EPB41: variants seen among roughly 807,000 people sequenced by gnomAD.
EPB41 encodes protein 4.1.
Under a neutral mutation model 108.0 loss-of-function variants are expected in EPB41, and 65 were observed. That is an observed-to-expected ratio of 0.60 (90% CI 0.49 to 0.74). The LOEUF (loss-of-function observed/expected upper bound fraction) is 0.74. Ranked by LOEUF, EPB41 falls within the 30% of genes least tolerant of loss-of-function variation. The pLI is 0.00. For synonymous variants in EPB41, 336 were observed against 358.9 expected (o/e 0.94, Z 0.72); for missense variants, 875 against 1,037.0 (o/e 0.84, Z 2.15).
chr1:29,081,837 A>AG (rs1176510853), intron 16 of EPB41, among the ~76,000 whole-genome samples: 2 of 148,410 alleles, frequency 1.3e-5, no homozygotes, highest in Non-Finnish European at 3.0e-5. Context: ...CTCTGTCTCA[A>AG]AAAAAAAAAA....
intron 1 of EPB41, among the ~76,000 whole-genome samples, chr1:28,909,555 T>G (rs1217479499): frequency 1.3e-5 from 2 of 152,070 alleles, no homozygotes; most frequent in African/African-American, 4.8e-5. Context: ...CAGCACTCTG[T>G]GAGGCCAAGG....
chr1:29,021,605 C>T (rs1476834764), intron 7 of EPB41, among the ~76,000 whole-genome samples: 4 of 145,556 alleles, frequency 2.7e-5, no homozygotes, highest in Non-Finnish European at 4.5e-5. Context: ...TTTTTTGAGA[C>T]GGAGGCTTGT....
At chr1:28,982,890 C>T (rs1038424664) in intron 1 of EPB41, among the ~76,000 whole-genome samples, 2 of 151,886 alleles carry the variant, frequency 1.3e-5, no homozygotes, top group African/African-American at 4.8e-5. Flanking sequence ...CAAATAAATC[C>T]CCCTTAAAAA....
intron 15 of EPB41, among the ~76,000 whole-genome samples, chr1:29,064,137 A>C (rs2150992555): frequency 6.6e-6 from 1 of 152,214 alleles, no homozygotes; most frequent in South Asian, 2.1e-4. Flanking sequence ...TGTCAAGGAG[A>C]TATATAAGGT....
chr1:29,107,155 C>T (rs556223143), intron 17 of EPB41, among the ~76,000 whole-genome samples: 1 of 151,966 alleles, frequency 6.6e-6, no homozygotes, highest in East Asian at 2.0e-4. Flanking sequence ...TGTACTCCAG[C>T]CTGGGGAAAA....
intron 6 of EPB41, among the ~76,000 whole-genome samples, chr1:29,016,283 C>A (rs971102878): frequency 6.6e-6 from 1 of 151,898 alleles, no homozygotes; most frequent in Non-Finnish European, 1.5e-5. Context: ...TCGAGCGATT[C>A]TTTTGCCTCA....
chr1:28,903,004 C>T (rs1358147322), intron 1 of EPB41, among the ~76,000 whole-genome samples: 1 of 152,180 alleles, frequency 6.6e-6, no homozygotes, highest in Non-Finnish European at 1.5e-5. Flanking sequence ...AGCTGTGTGA[C>T]ACTGGGCAAA....
chr1:28,987,970 A>G, intron 2 of EPB41, 65 bp downstream of exon 2: 1 of 1,562,880 alleles, frequency 6.4e-7, no homozygotes, highest in Non-Finnish European at 8.8e-7. Flanking sequence ...TTTTTCATTT[A>G]AGAGTATTTG....
chr1:28,902,421 T>C, intron 1 of EPB41: 1 of 980,152 alleles, frequency 1.0e-6, no homozygotes, highest in African/African-American at 1.7e-5. Flanking sequence ...GGATTGAGCT[T>C]TTTGTTTTTC....
intron 16 of EPB41, among the ~76,000 whole-genome samples, chr1:29,074,330 T>C (rs568708366): frequency 3.1e-4 from 47 of 152,316 alleles, no homozygotes; most frequent in Non-Finnish European, 5.3e-4. Context: ...TTATTATACA[T>C]AGAAACTTCA....
chr1:29,070,010 A>T (rs1474617766), intron 16 of EPB41: 2 of 166,114 alleles, frequency 1.2e-5, no homozygotes, highest in Non-Finnish European at 2.6e-5. Context: ...ATGCTTCATT[A>T]TTGGCATTGC....
At chr1:28,964,264 T>C (rs2095303720) in intron 1 of EPB41, among the ~76,000 whole-genome samples, 1 of 152,070 alleles carries the variant, frequency 6.6e-6, no homozygotes, top group Non-Finnish European at 1.5e-5. Flanking sequence ...TCCAACATGG[T>C]GAAATCCCGT....
At chr1:29,030,980 G>A (rs1206401671) in intron 8 of EPB41, among the ~76,000 whole-genome samples, 7 of 151,954 alleles carry the variant, frequency 4.6e-5, no homozygotes, top group South Asian at 4.2e-4. Context: ...CAGCTACCAC[G>A]CCTGGCTAAT....
chr1:29,106,711 C>T (rs113725630), intron 17 of EPB41, among the ~76,000 whole-genome samples: 66 of 150,264 alleles, frequency 4.4e-4, no homozygotes, highest in African/African-American at 1.5e-3. Context: ...GTGGCTGGGA[C>T]GACAGGCGTT....
rs759912665 is a variant in EPB41, at chr1:29,065,151, GAGA to G, written c.2180_2182del (p.Glu727del). 6 of 1,598,582 alleles carry G rather than the reference GAGA, an allele frequency of 3.8e-6. No individual in the cohort carries two copies. Among genetic ancestry groups the G allele is most frequent in the South Asian group, 1.1e-5 (1 of 88,970 alleles). On this transcript the variant is annotated inframe_deletion, in exon 16 of 21. Coordinates refer to ENST00000343067, the MANE Select transcript of EPB41 (RefSeq NM_001376013.1). The stretch of plus-strand genomic sequence containing the variant: ...AACATCAATGGGCAAATCCCCACAG[GAGA>G]AGGAGTGAGTACTTTGTCCACATGA...
intron 1 of EPB41, among the ~76,000 whole-genome samples, chr1:28,959,405 T>C (rs2095106079): frequency 1.3e-5 from 2 of 151,934 alleles, no homozygotes; most frequent in South Asian, 4.2e-4. Context: ...TTAGTAGAGA[T>C]GGGTTTTCGC....
At chr1:29,078,974 A>C (rs1336863991) in intron 16 of EPB41, among the ~76,000 whole-genome samples, 2 of 152,084 alleles carry the variant, frequency 1.3e-5, no homozygotes, top group African/African-American at 4.8e-5. Context: ...ATATATAATG[A>C]ACATGGTAAA....
At chr1:29,064,897 G>C in intron 15 of EPB41, 85 bp from the exon 16 acceptor site, 1 of 1,557,904 alleles carries the variant, frequency 6.4e-7, no homozygotes, top group Non-Finnish European at 8.8e-7. Context: ...TTTTCTACCA[G>C]TGCCCAGTCT....
intron 4 of EPB41, among the ~76,000 whole-genome samples, chr1:29,007,652 C>T (rs1430125699): frequency 2.0e-5 from 3 of 152,068 alleles, no homozygotes; most frequent in Non-Finnish European, 2.9e-5. Flanking sequence ...GTCTGTTTTG[C>T]GGTATTGATG....
Sources: allele counts gnomAD v4.1 joint callset (sites outside exome capture counted in the v4.1 genomes callset), GRCh38; gene constraint gnomAD v4.1.1; transcripts MANE v1.5; gene names NCBI Gene and HGNC (gene_info 2026-07-23, HGNC 2026-07-21).